Variants in TNR observed in about 807,000 individuals in gnomAD.
TNR encodes the protein tenascin R, also known as tenascin-R.
TNR carries 45 observed loss-of-function variants against 150.4 expected under a neutral mutation model. The ratio of observed to expected loss-of-function variants is 0.30; its 90% CI spans 0.24 to 0.38. The LOEUF is 0.38. Ranked by LOEUF, TNR falls within the 10% of genes least tolerant of loss-of-function variation. TNR has a pLI of 1.00. For missense variants in TNR, 1,544 were observed against 1,759.1 expected, an observed-to-expected ratio of 0.88 and a Z score of 2.19; for synonymous variants, 687 against 678.4, an observed-to-expected ratio of 1.01 and a Z score of -0.20.
chr1:175,655,280 G>A (rs1393085471), intron 1 of TNR, among the ~76,000 whole-genome samples: 1 of 152,140 alleles, frequency 6.6e-6, no homozygotes, highest in Non-Finnish European at 1.5e-5. Context: ...TGATATCTCT[G>A]CTACTTCCGA....
chr1:175,568,307 T>G (rs972042082), intron 1 of TNR, among the ~76,000 whole-genome samples: 2 of 105,264 alleles, frequency 1.9e-5, no homozygotes, highest in African/African-American at 4.0e-5. Flanking sequence ...CTAACTGCTG[T>G]TTTTTTTTTT....
intron 1 of TNR, among the ~76,000 whole-genome samples, chr1:175,646,900 A>C (rs1157232357): frequency 1.3e-5 from 2 of 152,224 alleles, no homozygotes; most frequent in African/African-American, 2.4e-5. Context: ...TTTGGGATCC[A>C]ATACGTCCCA....
chr1:175,689,752 A>C (rs1041163626), intron 1 of TNR, among the ~76,000 whole-genome samples: 3 of 152,136 alleles, frequency 2.0e-5, no homozygotes, highest in African/African-American at 7.2e-5. Context: ...CAGGGTGGCC[A>C]GACAGGGAGG....
At chr1:175,543,751 A>T (rs961426803) in intron 1 of TNR, among the ~76,000 whole-genome samples, 4 of 152,144 alleles carry the variant, frequency 2.6e-5, no homozygotes, top group East Asian at 1.9e-4. Flanking sequence ...GGTTAATGTT[A>T]CCTATTGTGA....
intron 2 of TNR, among the ~76,000 whole-genome samples, chr1:175,482,038 G>T (rs770709487): frequency 2.0e-5 from 3 of 152,148 alleles, no homozygotes; most frequent in Non-Finnish European, 2.9e-5. Flanking sequence ...CACACCAACC[G>T]TGAGGGGTCA....
intron 2 of TNR, among the ~76,000 whole-genome samples, chr1:175,442,126 C>G (rs1655817393): frequency 6.6e-6 from 1 of 152,172 alleles, no homozygotes; most frequent in Non-Finnish European, 1.5e-5. Flanking sequence ...TTGAGGAATA[C>G]AGCTGGTAGA....
chr1:175,689,535 G>C (rs937687584), intron 1 of TNR, among the ~76,000 whole-genome samples: 6 of 152,146 alleles, frequency 3.9e-5, no homozygotes, highest in Non-Finnish European at 8.8e-5. Context: ...TCCCTTGAAT[G>C]CGTGTCTTCC....
intron 2 of TNR, among the ~76,000 whole-genome samples, chr1:175,410,801 A>G (rs1446704113): frequency 2.0e-5 from 3 of 152,212 alleles, no homozygotes; most frequent in African/African-American, 7.2e-5. Context: ...CTGAGTGACC[A>G]CAGAGTTTCC....
At chr1:175,453,377 G>A (rs910102463) in intron 2 of TNR, among the ~76,000 whole-genome samples, 2 of 151,920 alleles carry the variant, frequency 1.3e-5, no homozygotes, top group African/African-American at 4.8e-5. Context: ...GCCATAGAAA[G>A]TTAGATGTGG....
At chr1:175,636,726 C>G (rs2101877736) in intron 1 of TNR, among the ~76,000 whole-genome samples, 1 of 152,242 alleles carries the variant, frequency 6.6e-6, no homozygotes, top group East Asian at 1.9e-4. Context: ...CTATGTGAGT[C>G]TTGACAGAGG....
chr1:175,541,825 A>AT (rs1660511493), intron 1 of TNR, among the ~76,000 whole-genome samples: 1 of 152,132 alleles, frequency 6.6e-6, no homozygotes, highest in African/African-American at 2.4e-5. Flanking sequence ...CTAAGCTTCC[A>AT]TTTTTTGCTA....
chr1:175,535,431 A>ATTTATTTATTTATTTTTTG (rs1419567971), intron 1 of TNR, among the ~76,000 whole-genome samples: 1 of 143,642 alleles, frequency 7.0e-6, no homozygotes, highest in East Asian at 2.0e-4. Flanking sequence ...TTTCTTTTTT[A>ATTTATTTATTTATTTTTTG]TTTATTTATT....
chr1:175,659,897 ATTTTTT>A (rs34472359), intron 1 of TNR, among the ~76,000 whole-genome samples: 2 of 111,808 alleles, frequency 1.8e-5, no homozygotes, highest in Admixed American at 9.3e-5. Context: ...TTTGGGTGTC[ATTTTTT>A]TTTTTTTTTT....
intron 1 of TNR, among the ~76,000 whole-genome samples, chr1:175,718,814 A>C (rs1194376389): frequency 2.0e-5 from 3 of 152,186 alleles, no homozygotes; most frequent in Non-Finnish European, 2.9e-5. Flanking sequence ...TGGCCAAGGC[A>C]AGCCTAGAAT....
intron 15 of TNR, among the ~76,000 whole-genome samples, chr1:175,358,028 A>C (rs748650165): frequency 4.6e-5 from 7 of 152,192 alleles, no homozygotes; most frequent in Non-Finnish European, 8.8e-5. Flanking sequence ...CCACGACTTG[A>C]AGGATGGGTT....
At chr1:175,587,762 G>T (rs986681529) in intron 1 of TNR, among the ~76,000 whole-genome samples, 9 of 152,162 alleles carry the variant, frequency 5.9e-5, no homozygotes, top group African/African-American at 2.2e-4. Flanking sequence ...TTCAAAAGCT[G>T]CCCAGGTGAT....
intron 1 of TNR, among the ~76,000 whole-genome samples, chr1:175,576,407 C>T (rs377481057): frequency 5.3e-5 from 8 of 152,080 alleles, no homozygotes; most frequent in African/African-American, 1.2e-4. Flanking sequence ...AGCCTCACTG[C>T]GACAGTGACT....
chr1:175,557,001 C>T (rs528546296), intron 1 of TNR, among the ~76,000 whole-genome samples: 1 of 152,308 alleles, frequency 6.6e-6, no homozygotes, highest in African/African-American at 2.4e-5. Flanking sequence ...AGCAAGAAGG[C>T]ACATTGGAAA....
At chr1:175,719,908 T>A (rs554297394) in intron 1 of TNR, among the ~76,000 whole-genome samples, 2 of 152,312 alleles carry the variant, frequency 1.3e-5, no homozygotes, top group East Asian at 3.9e-4. Context: ...TTCCTAAATC[T>A]TCTCATTTCC....
Sources: allele counts gnomAD v4.1 joint callset (sites outside exome capture counted in the v4.1 genomes callset), GRCh38; gene constraint gnomAD v4.1.1; transcripts MANE v1.5; gene names NCBI Gene and HGNC (gene_info 2026-07-23, HGNC 2026-07-21).